The following PHF2 variants were observed in gnomAD, a reference collection of about 807,000 sequenced individuals.
PHF2 encodes the protein lysine-specific demethylase PHF2.
Under a neutral mutation model 120.5 loss-of-function variants are expected in PHF2, and 27 were observed. The ratio of observed to expected loss-of-function variants is 0.22; its 90% CI spans 0.17 to 0.31. The LOEUF (loss-of-function observed/expected upper bound fraction) is 0.31. PHF2 is among the 10% of genes least tolerant of loss of function. PHF2 has a pLI of 1.00. For missense variants in PHF2, 1,024 were observed against 1,434.8 expected, an observed-to-expected ratio of 0.71 and a Z score of 4.63; for synonymous variants, 568 against 592.5, an observed-to-expected ratio of 0.96 and a Z score of 0.60.
chr9:93,633,804 C>T (rs991712564), intron 2 of PHF2, among the ~76,000 whole-genome samples: 2 of 152,100 alleles, frequency 1.3e-5, no homozygotes, highest in East Asian at 1.9e-4. Flanking sequence ...AGACAGGTGA[C>T]GGGGAGGACG....
chr9:93,618,775 T>C (rs1825768872), intron 1 of PHF2, among the ~76,000 whole-genome samples: 2 of 134,412 alleles, frequency 1.5e-5, no homozygotes, highest in South Asian at 2.5e-4. Context: ...TGTCTGCATG[T>C]GTTTGTGTTT....
At chr9:93,608,673 A>G (rs576528780) in intron 1 of PHF2, among the ~76,000 whole-genome samples, 3 of 152,244 alleles carry the variant, frequency 2.0e-5, no homozygotes, top group Admixed American at 1.3e-4. Flanking sequence ...TTGACAGAGT[A>G]TATCTTTTGA....
rs967384422 is a variant in PHF2, at chr9:93,678,995, T to G, written c.*1319T>G. 3.1e-6 allele frequency: 1 copy of G among 325,234 alleles called. No homozygotes were observed. Among genetic ancestry groups the G allele is most frequent in the African/African-American group, 2.2e-5 (1 of 44,858 alleles). 20.1% of individuals were successfully genotyped at this position (325,234 alleles called of 1,614,324 possible). On this transcript the variant is annotated 3_prime_UTR_variant, in exon 22 of 22. Coordinates refer to ENST00000359246, the MANE Select transcript of PHF2 (RefSeq NM_005392.4). The stretch of plus-strand genomic sequence containing the variant: ...CAAAAGATCTATTTCAGACACATTT[T>G]GAAGATGAATCTTCAACTTTAATAC...
chr9:93,636,496 C>T lies in PHF2; in HGVS notation c.270C>T (p.Ile90=), dbSNP rs368398809. The change falls in exon 3 of 22, where the codon ATC becomes ATT. Residue 90 remains isoleucine (I), a synonymous_variant. Transcript: ENST00000359246. The stretch of plus-strand genomic sequence containing the variant: ...TGCAGAATGGCAGCCAGCTCTTCAT[C>T]AAGGAGCTGCGGAGCCGGACCTTTC... ...KPVQNGSQLF[I]KELRSRTFPS... is the part of the protein sequence containing the mutation. 2 of 1,601,532 alleles carry T rather than the reference C, an allele frequency of 1.2e-6. No homozygotes were observed. The highest frequency in any genetic ancestry group is 3.4e-5 in the Admixed American group (2 of 58,350).
intron 3 of PHF2, among the ~76,000 whole-genome samples, chr9:93,637,205 C>A (rs55783552): frequency 6.6e-6 from 1 of 152,202 alleles, no homozygotes; most frequent in African/African-American, 2.4e-5. Context: ...TCCCTTCTTG[C>A]ATGTGTGATT....
At chr9:93,618,459 A>G (rs1825762291) in intron 1 of PHF2, among the ~76,000 whole-genome samples, 1 of 152,276 alleles carries the variant, frequency 6.6e-6, no homozygotes, top group African/African-American at 2.4e-5. Flanking sequence ...ATACAAGCAC[A>G]CACACACAGT....
intron 17 of PHF2, chr9:93,670,920 G>T: frequency 1.2e-6 from 1 of 861,274 alleles, no homozygotes; most frequent in Non-Finnish European, 1.4e-6. Context: ...CAAAGAGAAA[G>T]CCTGGGAGTC....
At chr9:93,667,519 G>A (rs1056174276) in intron 17 of PHF2, among the ~76,000 whole-genome samples, 4 of 152,152 alleles carry the variant, frequency 2.6e-5, no homozygotes, top group Admixed American at 2.0e-4. Context: ...TTTTTTTCAC[G>A]TGGAAATCTT....
intron 1 of PHF2, among the ~76,000 whole-genome samples, chr9:93,586,759 C>T (rs1293252556): frequency 6.6e-6 from 1 of 152,236 alleles, no homozygotes; most frequent in Non-Finnish European, 1.5e-5. Context: ...GGTGACGTTT[C>T]CTGAACACCA....
intron 5 of PHF2, among the ~76,000 whole-genome samples, chr9:93,649,658 ACT>A (rs1444182227): frequency 2.7e-5 from 4 of 146,906 alleles, no homozygotes; most frequent in African/African-American, 1.0e-4. Flanking sequence ...ACACACCAAC[ACT>A]CATGACACCC....
At chr9:93,595,184 CTA>C (rs370805317) in intron 1 of PHF2, among the ~76,000 whole-genome samples, 14 of 152,288 alleles carry the variant, frequency 9.2e-5, no homozygotes, top group African/African-American at 3.4e-4. Context: ...TTAGTCATAA[CTA>C]TTCAGGTATT....
Position 93,649,572 on chromosome 9 carries a change from C to T in PHF2, c.602+360C>T, listed in dbSNP as rs1826325482. On this transcript the variant is annotated intron_variant, in intron 5 of 21. Coordinates refer to ENST00000359246, the MANE Select transcript of PHF2 (RefSeq NM_005392.4). Reference sequence around the variant, plus strand: ...ACAATGTGTAGTTTTTTCCAGAATGCACACACTCATGACACACTCAGACAC... The same window carrying T: ...ACAATGTGTAGTTTTTTCCAGAATGTACACACTCATGACACACTCAGACAC... Among the ~76,000 whole-genome samples the T allele has an allele frequency of 2.0e-5, 3 of 152,042 alleles. No homozygotes were observed. In the South Asian group the frequency reaches 6.2e-4, roughly 32 times the overall value.
At chr9:93,609,816 C>A (rs1337197098) in intron 1 of PHF2, among the ~76,000 whole-genome samples, 3 of 152,156 alleles carry the variant, frequency 2.0e-5, no homozygotes, top group Non-Finnish European at 4.4e-5. Context: ...CCTGCCTCAG[C>A]CTCCCAAGTA....
intron 4 of PHF2, among the ~76,000 whole-genome samples, chr9:93,646,251 A>G (rs1387711184): frequency 6.6e-6 from 1 of 152,182 alleles, no homozygotes; most frequent in Non-Finnish European, 1.5e-5. Context: ...TGCCATTGCC[A>G]TCAGCAGTGC....
rs1166005445 is a variant in PHF2 at position 93,667,130 on chromosome 9, G to C, written c.2238G>C (p.Lys746Asn). The part of the protein sequence containing the change: ...EGSLHIDTDT[K>N]PGRNARVKKE... Reference sequence around the variant, plus strand: ...CGCTGCACATCGACACAGACACCAAGCCCGGCCGCAATGCCAGAGTCAAGA... The same window carrying C: ...CGCTGCACATCGACACAGACACCAACCCCGGCCGCAATGCCAGAGTCAAGA... The change falls in exon 17 of 22, where the codon AAG becomes AAC. Residue 746 changes from lysine to asparagine, a missense_variant. By Grantham distance (94) the Lys-to-Asn change is moderately conservative (BLOSUM62 0). Around this residue, in one of 2 missense-constraint regions of PHF2, gnomAD observed 677 missense variants for 857.4 expected, o/e 0.79. Transcript: ENST00000359246. The C allele has an allele frequency of 6.2e-7, 1 of 1,613,164 alleles. No homozygotes were observed. The highest frequency in any genetic ancestry group is 8.5e-7 in the Non-Finnish European group (1 of 1,180,000).
At chr9:93,606,242 T>G (rs1235886514) in intron 1 of PHF2, among the ~76,000 whole-genome samples, 1 of 152,140 alleles carries the variant, frequency 6.6e-6, no homozygotes, top group Non-Finnish European at 1.5e-5. Context: ...AGTGCTAGGA[T>G]TACAGGCTGG....
At chr9:93,620,893 GCAAA>G (rs1212999093) in intron 1 of PHF2, among the ~76,000 whole-genome samples, 2 of 152,226 alleles carry the variant, frequency 1.3e-5, no homozygotes. Context: ...CCCAGTGTCG[GCAAA>G]CAGTCTCTTC....
chr9:93,667,508 G>GT (rs1271220335), intron 17 of PHF2, among the ~76,000 whole-genome samples: 1 of 152,176 alleles, frequency 6.6e-6, no homozygotes, highest in African/African-American at 2.4e-5. Context: ...CGAGACTGTT[G>GT]TTTTTTTCAC....
rs55647503 is a variant in PHF2, at chr9:93,627,492, A to ATTTTTTT, written c.99-2468_99-2462dup. 4.2e-4 allele frequency among the ~76,000 whole-genome samples: 45 copies of ATTTTTTT among 108,134 alleles called. 4 individuals carry two copies. The highest frequency in any genetic ancestry group is 1.2e-3 in the African/African-American group (32 of 26,550). The allele number at this position is 108,134 out of a possible 152,430, so 70.9% of individuals were successfully genotyped here. A position where few individuals can be genotyped will look rare whatever the true frequency, so the allele number is the denominator to read the frequency against. On this transcript the variant is annotated intron_variant, in intron 1 of 21. Coordinates refer to ENST00000359246, the MANE Select transcript of PHF2 (RefSeq NM_005392.4). ...CAATTCAGACTCCTTTTATTTCAGG[A>ATTTTTTT]TTTTTTTTTTTTTTTTGTCTAATTG...
Sources: allele counts gnomAD v4.1 joint callset (sites outside exome capture counted in the v4.1 genomes callset), GRCh38; gene constraint gnomAD v4.1.1; regional missense constraint gnomAD v4.1.1; transcripts MANE v1.5; gene names NCBI Gene and HGNC (gene_info 2026-07-23, HGNC 2026-07-21).